IBTK: variants seen among roughly 807,000 people sequenced by gnomAD.
The protein encoded by IBTK is BTK-binding protein.
Under a neutral mutation model 154.9 loss-of-function variants are expected in IBTK, and 83 were observed. The ratio of observed to expected loss-of-function variants is 0.54; its 90% CI spans 0.45 to 0.64. The LOEUF (loss-of-function observed/expected upper bound fraction) is 0.64. Ranked by LOEUF, IBTK falls within the 30% of genes least tolerant of loss-of-function variation. The pLI is 0.00. For missense variants in IBTK, 1,332 were observed against 1,584.6 expected, an observed-to-expected ratio of 0.84 and a Z score of 2.71; for synonymous variants, 515 against 536.1, an observed-to-expected ratio of 0.96 and a Z score of 0.54.
chr6:82,225,735 C>A, intron 5 of IBTK, 88 bp from the exon 6 acceptor site: 1 of 911,676 alleles, frequency 1.1e-6, no homozygotes, highest in Non-Finnish European at 1.7e-6. Context: ...TCTAAAATGA[C>A]ATGAAATGAC....
Position 82,171,454 on chromosome 6 carries a change from C to T in IBTK, c.4033G>A (p.Val1345Ile), listed in dbSNP as rs770072853. The T allele has an allele frequency of 5.0e-6, 8 of 1,613,232 alleles. No individual in the cohort carries two copies. In the Admixed American group the frequency reaches 1.0e-4, roughly 20 times the overall value. ...CATCCATGCTTATTCCACATAGGTACTGCCAGTGGTCCCTGCGGTGTCCTT... is the reference window on the plus strand; with the variant it reads ...CATCCATGCTTATTCCACATAGGTATTGCCAGTGGTCCCTGCGGTGTCCTT... ...VERTPQGPLA[V>I]PMWNKHGC The change falls in exon 29 of 29, where the codon GTA (valine) becomes ATA (isoleucine). Residue 1345 changes from valine to isoleucine, a missense_variant. Coordinates refer to ENST00000306270, the MANE Select transcript of IBTK (RefSeq NM_015525.4).
Position 82,220,710 on chromosome 6 carries a change from C to T in IBTK, c.1128G>A (p.Gln376=). Residue 376 remains glutamine, a synonymous_variant, in exon 9 of 29, where the codon CAG becomes CAA. Transcript: ENST00000306270. ...ACACAAGAACTTTTTTCAAGTTCAA[C>T]TGTCTAGATGAAAAAAAAAAAAATC... ...DYQCKKMASK[Q]LNLKKVLVSG... 3 of 1,557,818 alleles carry T rather than the reference C, an allele frequency of 1.9e-6. No homozygotes were observed. The highest frequency in any genetic ancestry group is 8.7e-7 in the Non-Finnish European group (1 of 1,152,798).
At chr6:82,187,748 GTTTA>G in intron 25 of IBTK, among the ~76,000 whole-genome samples, 1 of 152,250 alleles carries the variant, frequency 6.6e-6, no homozygotes, top group Middle Eastern at 3.4e-3. Flanking sequence ...AATTGTTTCA[GTTTA>G]TTTAAGGAGG....
rs920745332 is a variant in IBTK at position 82,234,343 on chromosome 6, T to A, written c.322-88A>T. The A allele has an allele frequency of 9.9e-5, 44 of 444,366 alleles. 1 individual carries two copies. The highest frequency in any genetic ancestry group is 1.7e-4 in the African/African-American group (8 of 47,172). The allele number at this position is 444,366 out of a possible 1,614,324, so 27.5% of individuals were successfully genotyped here. ...GTAACTTCCTATTTTATTATTATTT[T>A]TTTTTTTTTGAGACAGAATTTCGCT... On this transcript the variant is annotated intron_variant, in intron 2 of 28. Transcript: ENST00000306270.
At chr6:82,188,173 T>C (rs1195195568) in intron 25 of IBTK, among the ~76,000 whole-genome samples, 2 of 152,136 alleles carry the variant, frequency 1.3e-5, no homozygotes, top group Non-Finnish European at 2.9e-5. Context: ...TTGTACAACA[T>C]AGGCACACAG....
intron 11 of IBTK, 41 bp downstream of exon 11, chr6:82,216,035 T>G: frequency 6.8e-7 from 1 of 1,466,874 alleles, no homozygotes; most frequent in Non-Finnish European, 9.3e-7. Flanking sequence ...ATTCAGTGAT[T>G]GTTCCTTCTA....
intron 25 of IBTK, among the ~76,000 whole-genome samples, chr6:82,182,957 T>G (rs1768373084): frequency 6.6e-6 from 1 of 152,168 alleles, no homozygotes; most frequent in Admixed American, 6.5e-5. Context: ...ACTGCAGCAC[T>G]GTGGAAGATC....
At chr6:82,193,987 T>C (rs1768886059) in intron 23 of IBTK, among the ~76,000 whole-genome samples, 2 of 152,088 alleles carry the variant, frequency 1.3e-5, no homozygotes, top group Non-Finnish European at 2.9e-5. Context: ...CAGCCTTCAT[T>C]TGACTTTTCT....
intron 5 of IBTK, 85 bp downstream of exon 5, chr6:82,227,107 G>A (rs1770326368): frequency 3.5e-6 from 3 of 849,592 alleles, no homozygotes; most frequent in South Asian, 3.4e-5. Flanking sequence ...CCTTACAGTT[G>A]AAAAAAAAAT....
intron 25 of IBTK, among the ~76,000 whole-genome samples, chr6:82,188,308 C>CT (rs915883510): frequency 8.0e-5 from 12 of 149,786 alleles, no homozygotes; most frequent in Non-Finnish European, 1.3e-4. Flanking sequence ...TTTTAGCTTT[C>CT]TTTTTTTTGG....
intron 3 of IBTK, among the ~76,000 whole-genome samples, chr6:82,232,708 G>GTGTGAAT (rs1032465521): frequency 7.2e-5 from 11 of 152,130 alleles, no homozygotes; most frequent in African/African-American, 2.7e-4. Context: ...GTGAAACTGA[G>GTGTGAAT]AATGTGTGAA....
intron 1 of IBTK, among the ~76,000 whole-genome samples, chr6:82,242,450 C>T (rs1371863539): frequency 1.3e-5 from 2 of 151,980 alleles, no homozygotes; most frequent in African/African-American, 2.4e-5. Context: ...ATCACCACCA[C>T]CAACACAACA....
In IBTK at chr6:82,224,165, T is replaced by C; in HGVS notation, c.846A>G (p.Lys282=). 2 of 1,613,766 alleles carry C rather than the reference T, an allele frequency of 1.2e-6. No individual in the cohort carries two copies. The highest frequency in any genetic ancestry group is 2.2e-5 in the South Asian group (2 of 91,068). Residue 282 remains lysine (K), a synonymous_variant, in exon 7 of 29, where the codon AAA becomes AAG. Transcript: ENST00000306270. The part of the protein sequence containing the change: ...VPRQIQAKYL[K]GRTIIGVAAG... ...CTGCAACGCCAATGATTGTCCTTCC[T>C]TTCAGATATTTTGCCTGTATCTATT...
chr6:82,232,450 T>C (rs538721207), intron 3 of IBTK, among the ~76,000 whole-genome samples: 147 of 152,312 alleles, frequency 9.7e-4, no homozygotes, highest in Non-Finnish European at 2.0e-3. Flanking sequence ...TAAACTGGAA[T>C]ACAAATCACA....
At chr6:82,220,887 G>A (rs1378783581) in intron 8 of IBTK, among the ~76,000 whole-genome samples, 174 bp from the exon 9 acceptor site, 1 of 148,832 alleles carries the variant, frequency 6.7e-6, no homozygotes, top group African/African-American at 2.5e-5. Context: ...TCCCCTACAA[G>A]GGGGCTGTTC....
intron 25 of IBTK, among the ~76,000 whole-genome samples, chr6:82,183,432 G>GA (rs901297751): frequency 8.9e-5 from 12 of 135,140 alleles, no homozygotes; most frequent in Admixed American, 3.7e-4. Context: ...ACAAAACAGA[G>GA]AAAAAAAAAA....
chr6:82,201,516 T>G (rs778944131), intron 18 of IBTK, 34 bp from the exon 19 acceptor site: 8 of 1,427,272 alleles, frequency 5.6e-6, no homozygotes, highest in Middle Eastern at 1.8e-4. Context: ...TATCTTAAGA[T>G]TCAAGTGACT....
chr6:82,199,140 TC>T (rs1051263974), intron 21 of IBTK, among the ~76,000 whole-genome samples: 12 of 152,284 alleles, frequency 7.9e-5, no homozygotes, highest in African/African-American at 2.6e-4. Context: ...AGAAGAGTAT[TC>T]CCATCTTAAA....
At chr6:82,211,688 C>A in intron 13 of IBTK, 116 bp from the exon 14 acceptor site, 2 of 754,432 alleles carry the variant, frequency 2.7e-6, no homozygotes, top group South Asian at 1.6e-5. Flanking sequence ...GAATAAATAA[C>A]TTGCAGGAAT....
Sources: allele counts gnomAD v4.1 joint callset (sites outside exome capture counted in the v4.1 genomes callset), GRCh38; gene constraint gnomAD v4.1.1; transcripts MANE v1.5; gene names NCBI Gene and HGNC (gene_info 2026-07-23, HGNC 2026-07-21).